The following ACOT11 variants were observed in gnomAD, a reference collection of about 807,000 sequenced individuals.
ACOT11 encodes the protein acyl-coenzyme A thioesterase 11.
In ACOT11, 69 loss-of-function variants were observed where a neutral mutation model predicts 77.5. The observed-to-expected ratio is 0.89, with a 90% CI of 0.73 to 1.09. The LOEUF is 1.09. Ranked by LOEUF, ACOT11 falls within the 50% of genes least tolerant of loss-of-function variation. ACOT11 has a pLI of 0.00. For synonymous variants in ACOT11, 279 were observed against 313.0 expected, an observed-to-expected ratio of 0.89 and a Z score of 1.15; for missense variants, 766 against 813.7, an observed-to-expected ratio of 0.94 and a Z score of 0.71.
At position 54,600,488 on chromosome 1, in the gene ACOT11, T is replaced by C. The variant is rs117990117; in HGVS notation, c.885-781T>C. On this transcript the variant is annotated intron_variant, in intron 8 of 15. Transcript: ENST00000343744. ...ACTTACGGCTCGGAGTTCAAGACTA[T>C]CCTGGCCAACATGGCGAAACCCCGT... Among the ~76,000 whole-genome samples the C allele has an allele frequency of 2.2e-4, 33 of 152,128 alleles. No homozygotes were observed. The East Asian group carries it at 6.0e-3, about 28-fold the overall frequency.
intron 1 of ACOT11, among the ~76,000 whole-genome samples, chr1:54,583,475 T>G (rs577262738): frequency 2.0e-5 from 3 of 152,138 alleles, no homozygotes; most frequent in Admixed American, 6.5e-5. Context: ...AGGCTCACCA[T>G]TGGGGCATGC....
At chr1:54,562,347 T>C (rs1441461565) in intron 1 of ACOT11, among the ~76,000 whole-genome samples, 27 of 52,324 alleles carry the variant, frequency 5.2e-4, no homozygotes, top group East Asian at 2.9e-3. Flanking sequence ...CCGGACGGGG[T>C]GGCTGGCCGG....
chr1:54,613,930 G>T (rs72903832), downstream of ACOT11, among the ~76,000 whole-genome samples: 1 of 152,164 alleles, frequency 6.6e-6, no homozygotes, highest in Admixed American at 6.5e-5. Context: ...CCAGACTTAG[G>T]CAGGTCTTTT....
chr1:54,609,164 G>GACTCACATACAGTGC lies in ACOT11; in HGVS notation c.*53_*67dup. The GACTCACATACAGTGC allele has an allele frequency of 6.2e-7, 1 of 1,612,128 alleles. No homozygotes were observed. The highest frequency in any genetic ancestry group is 8.5e-7 in the Non-Finnish European group (1 of 1,178,974). On this transcript the variant is annotated 3_prime_UTR_variant, in exon 16 of 16. Coordinates refer to ENST00000343744, the MANE Select transcript of ACOT11 (RefSeq NM_147161.4). ...ACTCCCACTCCATCCTGTCCCCAAG[G>GACTCACATACAGTGC]ACTCACATACAGTGCCTGGAGAAAG...
chr1:54,584,534 TG>T lies in ACOT11; in HGVS notation c.34-118del. The stretch of plus-strand genomic sequence containing the variant: ...TGACCACTCTCGGGTTGGGGTCTGG[TG>T]GGAGGTGGCCCTAGGTACTCTCTCT... On this transcript the variant is annotated intron_variant, in intron 1 of 15. Transcript: ENST00000343744. This position sits in a 1 kb window ranked among gnomAD's most constrained non-coding sequence, Gnocchi z 6.3. 1 of 905,074 alleles carries T rather than the reference TG, an allele frequency of 1.1e-6. No homozygotes were observed. The highest frequency in any genetic ancestry group is 1.7e-6 in the Non-Finnish European group (1 of 594,296). The allele number at this position is 905,074 out of a possible 1,614,324, so 56.1% of individuals were successfully genotyped here.
chr1:54,584,134 G>A lies in ACOT11; in HGVS notation c.34-521G>A, dbSNP rs1204440657. ...TAGATCCAAGTGCTAGACATTAGCG[G>A]GCCACAGAGGCTGTCCTGATGGCCT... On this transcript the variant is annotated intron_variant, in intron 1 of 15. Coordinates refer to ENST00000343744, the MANE Select transcript of ACOT11 (RefSeq NM_147161.4). This position sits in a 1 kb window ranked among gnomAD's most constrained non-coding sequence, Gnocchi z 6.3. Among the ~76,000 whole-genome samples, 3 of 152,156 alleles carry A rather than the reference G, an allele frequency of 2.0e-5. No homozygotes were observed. The highest frequency in any genetic ancestry group is 2.9e-5 in the Non-Finnish European group (2 of 68,018).
downstream of ACOT11, among the ~76,000 whole-genome samples, chr1:54,612,330 G>A (rs958877421): frequency 1.3e-5 from 2 of 151,736 alleles, no homozygotes; most frequent in Admixed American, 6.6e-5. Flanking sequence ...GTCACCAGAG[G>A]TATGCAAGCA....
At chr1:54,585,698 ATGG>A in intron 2 of ACOT11, 134 bp from the exon 3 acceptor site, 1 of 743,142 alleles carries the variant, frequency 1.3e-6, no homozygotes, top group South Asian at 1.7e-5. Flanking sequence ...GGTGTAAGGA[ATGG>A]TGGCAGCAGG....
At chr1:54,617,789 T>G (rs1644189405) in intron 15 of ACOT11, among the ~76,000 whole-genome samples, 1 of 137,530 alleles carries the variant, frequency 7.3e-6, no homozygotes, top group Non-Finnish European at 1.5e-5. Flanking sequence ...TGTGGCGTGA[T>G]CACGGCTCAC....
exon 17 of ACOT11, chr1:54,637,021 C>CTCCATTTTGTTCTGTATTA (rs1442279893): frequency 2.6e-5 from 4 of 154,088 alleles, no homozygotes; most frequent in African/African-American, 9.6e-5. Context: ...TTTCTTAATA[C>CTCCATTTTGTTCTGTATTA]AGAACAAAAT....
At chr1:54,587,842 G>A (rs1207073342) in intron 3 of ACOT11, among the ~76,000 whole-genome samples, 2 of 151,884 alleles carry the variant, frequency 1.3e-5, no homozygotes, top group Non-Finnish European at 2.9e-5. Context: ...GATTACAGGC[G>A]TGAGCCACCC....
At chr1:54,599,730 C>T (rs1191538656) in intron 8 of ACOT11, 2 of 183,072 alleles carry the variant, frequency 1.1e-5, no homozygotes, top group Non-Finnish European at 2.3e-5. Flanking sequence ...GCCTGGACCG[C>T]TGTAGATGCT....
chr1:54,614,755 C>G (rs746798391), downstream of ACOT11: 5 of 1,613,950 alleles, frequency 3.1e-6, no homozygotes, highest in East Asian at 8.9e-5. Flanking sequence ...AAGATGTCAG[C>G]GTTGATCCAT....
intron 16 of ACOT11, among the ~76,000 whole-genome samples, chr1:54,631,311 T>TA (rs143643917): frequency 0.01 from 1,595 of 152,326 alleles, 33 homozygotes; most frequent in African/African-American, 0.036. Context: ...AGGGAAGTAT[T>TA]ACAGCTACAT....
chr1:54,562,000 G>A (rs1569651860), intron 1 of ACOT11, among the ~76,000 whole-genome samples: 3 of 69,688 alleles, frequency 4.3e-5, no homozygotes, highest in African/African-American at 1.0e-4. Context: ...GGGCAGAGGC[G>A]CCCCTCACCT....
chr1:54,574,597 G>T (rs1405343917), intron 1 of ACOT11, among the ~76,000 whole-genome samples: 1 of 152,184 alleles, frequency 6.6e-6, no homozygotes. Context: ...TGAGGAAACC[G>T]GTCTGTGGGG....
intron 9 of ACOT11, 67 bp from the exon 10 acceptor site, chr1:54,602,601 TG>T: frequency 1.5e-6 from 2 of 1,376,224 alleles, no homozygotes; most frequent in Non-Finnish European, 1.9e-6. Context: ...CCTTGGGCCC[TG>T]GGGGATGGAG....
chr1:54,553,854 T>C (rs1377871589), intron 1 of ACOT11, among the ~76,000 whole-genome samples: 2 of 152,198 alleles, frequency 1.3e-5, no homozygotes, highest in Non-Finnish European at 2.9e-5. Context: ...AGTATTTGTC[T>C]TTCTGTGCCT....
exon 17 of ACOT11, chr1:54,636,812 CTTGAGATTAGGGAGTGGT>C (rs1271307549): frequency 3.9e-5 from 6 of 154,068 alleles, no homozygotes; most frequent in Non-Finnish European, 8.6e-5. Context: ...TCTCTGGGTA[CTTGAGATTAGGGAGTGGT>C]TTGAGATTAG....
Sources: gnomAD v4.1 joint callset for allele counts (sites outside exome capture counted in the v4.1 genomes callset) on GRCh38, gnomAD v4.1.1 for gene constraint, Gnocchi (gnomAD v3.1) non-coding constraint, MANE v1.5 for transcripts, NCBI Gene and HGNC (gene_info 2026-07-23, HGNC 2026-07-21) for gene names.